Variants in INO80 observed in about 807,000 individuals in gnomAD.
INO80 encodes INO80 complex ATPase subunit.
Under a neutral mutation model 203.4 loss-of-function variants are expected in INO80, and 20 were observed. The ratio of observed to expected loss-of-function variants is 0.10; its 90% CI spans 0.07 to 0.14. The LOEUF (loss-of-function observed/expected upper bound fraction) is 0.14, where lower values mean the gene tolerates loss of function less well. INO80 is among the 10% of genes least tolerant of loss of function. The pLI is 1.00. For synonymous variants in INO80, 726 were observed against 685.2 expected, an observed-to-expected ratio of 1.06 and a Z score of -0.93; for missense variants, 1,419 against 1,914.4, an observed-to-expected ratio of 0.74 and a Z score of 4.83.
At chr15:41,071,809 A>T (rs780134476) in intron 12 of INO80, 40 bp downstream of exon 12, 1 of 1,514,560 alleles carries the variant, frequency 6.6e-7, no homozygotes, top group Admixed American at 1.7e-5. Flanking sequence ...ACTTTAGGAA[A>T]AGAGATAATA....
rs187946621 is a variant in INO80, at chr15:41,007,591, G to A, written c.3403-1904C>T. ...TATATATCAAGGCCAGCACAACCCC[G>A]GGGATATTAATCCTAGACCATAATC... On this transcript the variant is annotated intron_variant, in intron 27 of 35. Coordinates refer to ENST00000648947, the MANE Select transcript of INO80 (RefSeq NM_017553.3). Among the ~76,000 whole-genome samples, 413 of 151,854 alleles carry A rather than the reference G, an allele frequency of 2.7e-3. 3 individuals are homozygous for A. The highest frequency in any genetic ancestry group is 0.013 in the South Asian group (62 of 4,818).
chr15:41,087,879 C>G (rs971981272), intron 5 of INO80, among the ~76,000 whole-genome samples, 197 bp from the exon 6 acceptor site: 13 of 151,976 alleles, frequency 8.6e-5, no homozygotes, highest in Non-Finnish European at 1.6e-4. Context: ...CTCCTATACA[C>G]GTAACAAGTC....
At chr15:41,089,521 G>A (rs2045604610) in intron 5 of INO80, among the ~76,000 whole-genome samples, 1 of 152,178 alleles carries the variant, frequency 6.6e-6, no homozygotes, top group Admixed American at 6.5e-5. Flanking sequence ...GGAGGCCGAG[G>A]CGGGTGGATC....
At chr15:41,020,753 T>G in intron 26 of INO80, 147 bp downstream of exon 26, 1 of 584,074 alleles carries the variant, frequency 1.7e-6, no homozygotes, top group South Asian at 2.2e-5. Context: ...TTACTAATAT[T>G]CTTACCTATG....
intron 35 of INO80, among the ~76,000 whole-genome samples, chr15:40,980,777 C>A (rs532681746): frequency 2.0e-5 from 3 of 152,216 alleles, no homozygotes; most frequent in Non-Finnish European, 4.4e-5. Flanking sequence ...CTGTAACTTA[C>A]TAGGCACAAA....
intron 28 of INO80, chr15:41,004,664 CG>C (rs2044010818): frequency 6.6e-6 from 1 of 152,048 alleles, no homozygotes; most frequent in Non-Finnish European, 1.5e-5. Context: ...AATTATGGCT[CG>C]GTAAACCATC....
intron 1 of INO80, among the ~76,000 whole-genome samples, chr15:41,099,237 CAAAAAAAAAAAA>C (rs71104771): frequency 4.3e-4 from 9 of 21,076 alleles, no homozygotes; most frequent in South Asian, 4.0e-3. Flanking sequence ...GACCCTGTCT[CAAAAAAAAAAAA>C]AAAAAAAAAA....
chr15:40,988,230 C>T (rs920958926), intron 29 of INO80, among the ~76,000 whole-genome samples: 2 of 152,054 alleles, frequency 1.3e-5, no homozygotes, highest in Non-Finnish European at 2.9e-5. Context: ...ATAGTTAAAA[C>T]GTAGTGTTTA....
intron 9 of INO80, among the ~76,000 whole-genome samples, chr15:41,078,081 G>A (rs1465041078): frequency 6.6e-6 from 1 of 151,774 alleles, no homozygotes; most frequent in Non-Finnish European, 1.5e-5. Flanking sequence ...TGTATTTTTA[G>A]TAGAGACAGG....
At chr15:41,044,728 C>A (rs1421039060) in intron 24 of INO80, among the ~76,000 whole-genome samples, 176 bp downstream of exon 24, 2 of 152,024 alleles carry the variant, frequency 1.3e-5, no homozygotes, top group African/African-American at 2.4e-5. Context: ...TAAATACACT[C>A]AAAAATATAT....
chr15:41,026,475 C>T (rs1314095471), intron 25 of INO80, among the ~76,000 whole-genome samples: 2 of 151,848 alleles, frequency 1.3e-5, no homozygotes, highest in Non-Finnish European at 2.9e-5. Flanking sequence ...ATCACTTGAG[C>T]CCAGGAGGTT....
chr15:41,045,146 G>T, intron 23 of INO80, 71 bp from the exon 24 acceptor site: 2 of 1,174,698 alleles, frequency 1.7e-6, no homozygotes, highest in South Asian at 1.8e-5. Context: ...ATAGCAGCAA[G>T]GATTGTCTCT....
chr15:40,993,537 C>T (rs1378116911), intron 29 of INO80, among the ~76,000 whole-genome samples: 1 of 152,066 alleles, frequency 6.6e-6, no homozygotes, highest in Non-Finnish European at 1.5e-5. Flanking sequence ...GCAGGCAGAT[C>T]ACCTGAGGTC....
At chr15:41,059,009 C>G (rs2045052488) in intron 15 of INO80, among the ~76,000 whole-genome samples, 1 of 152,116 alleles carries the variant, frequency 6.6e-6, no homozygotes, top group Non-Finnish European at 1.5e-5. Flanking sequence ...TAGAGTCCAG[C>G]AGCGTGAACA....
At chr15:40,984,004 A>G (rs1382589678) in intron 33 of INO80, 83 bp from the exon 34 acceptor site, 5 of 1,511,168 alleles carry the variant, frequency 3.3e-6, no homozygotes, top group Non-Finnish European at 4.6e-6. Context: ...CATGCTTCAC[A>G]GTTGAGGCTG....
At chr15:40,995,756 A>G (rs2043873007) in intron 29 of INO80, among the ~76,000 whole-genome samples, 1 of 152,212 alleles carries the variant, frequency 6.6e-6, no homozygotes, top group African/African-American at 2.4e-5. Context: ...GGGAACCAAG[A>G]GATAACAAGG....
chr15:41,078,446 C>T (rs1420925050), intron 9 of INO80, among the ~76,000 whole-genome samples: 1 of 151,730 alleles, frequency 6.6e-6, no homozygotes, highest in Non-Finnish European at 1.5e-5. Flanking sequence ...TTTAAATTCT[C>T]TGAGTTAAGA....
intron 29 of INO80, among the ~76,000 whole-genome samples, chr15:40,992,938 A>G (rs2043834841): frequency 6.6e-6 from 1 of 152,178 alleles, no homozygotes; most frequent in South Asian, 2.1e-4. Flanking sequence ...GATCACAGGC[A>G]TGTGCCACCA....
intron 26 of INO80, chr15:41,019,370 A>G (rs1596263885): frequency 6.6e-6 from 1 of 152,368 alleles, no homozygotes; most frequent in East Asian, 1.9e-4. Context: ...TGGTTCTCAC[A>G]GTAAACAGCC....
Sources: gnomAD v4.1 joint callset for allele counts (sites outside exome capture counted in the v4.1 genomes callset) on GRCh38, gnomAD v4.1.1 for gene constraint, MANE v1.5 for transcripts, NCBI Gene and HGNC (gene_info 2026-07-23, HGNC 2026-07-21) for gene names.